Variants in WWOX observed in about 807,000 individuals in gnomAD.
WWOX encodes WW domain-containing oxidoreductase.
Under a neutral mutation model 46.2 loss-of-function variants are expected in WWOX, and 69 were observed. The ratio of observed to expected loss-of-function variants is 1.49; its 90% CI spans 1.23 to 1.82. The LOEUF (loss-of-function observed/expected upper bound fraction) is 1.82, where lower values mean the gene tolerates loss of function less well. Among genes scored for constraint, WWOX ranks in the 40% most tolerant of loss-of-function variants. WWOX has a pLI of 0.00. For synonymous variants in WWOX, 359 were observed against 202.6 expected, an observed-to-expected ratio of 1.77 and a Z score of -6.56; for missense variants, 919 against 542.6, an observed-to-expected ratio of 1.69 and a Z score of -6.89.
At chr16:79,108,823 T>G (rs1440714498) in intron 8 of WWOX, among the ~76,000 whole-genome samples, 1 of 151,832 alleles carries the variant, frequency 6.6e-6, no homozygotes, top group Non-Finnish European at 1.5e-5. Context: ...ACTGCTTGAG[T>G]CCTGGAGGTC....
intron 5 of WWOX, among the ~76,000 whole-genome samples, chr16:78,305,242 G>A (rs527261731): frequency 2.0e-5 from 3 of 151,934 alleles, no homozygotes; most frequent in Admixed American, 2.0e-4. Flanking sequence ...GGGGGACTAC[G>A]TTTTTCATGG....
intron 7 of WWOX, among the ~76,000 whole-genome samples, chr16:78,432,123 T>C (rs1026622681): frequency 3.3e-5 from 3 of 91,596 alleles, no homozygotes; most frequent in African/African-American, 2.3e-4. Context: ...TCAGATTGCT[T>C]TTTTTTTTTT....
intron 5 of WWOX, among the ~76,000 whole-genome samples, chr16:78,219,570 A>G (rs1357667493): frequency 6.6e-6 from 1 of 152,158 alleles, no homozygotes; most frequent in African/African-American, 2.4e-5. Flanking sequence ...GTCTCCTATG[A>G]TTACATTTCT....
chr16:79,187,994 C>T lies in WWOX; in HGVS notation c.1057-23614C>T, dbSNP rs182203851. Among the ~76,000 whole-genome samples, 588 of 152,324 alleles carry T rather than the reference C, an allele frequency of 3.9e-3. 1 individual carries two copies. The highest frequency in any genetic ancestry group is 6.8e-3 in the Middle Eastern group (2 of 294). ...AAATGTCCACTCTCTCTCCCATGCA[C>T]GGGGAGTCAAGCTGTGCTCTTCAAA... On this transcript the variant is annotated intron_variant, in intron 8 of 8. Coordinates refer to ENST00000566780, the MANE Select transcript of WWOX (RefSeq NM_016373.4).
intron 8 of WWOX, among the ~76,000 whole-genome samples, chr16:78,802,552 T>C (rs2050918148): frequency 1.3e-5 from 2 of 152,092 alleles, no homozygotes; most frequent in South Asian, 4.1e-4. Flanking sequence ...CAAAACTTAG[T>C]CACTAGTTTT....
At chr16:78,656,578 C>G (rs1393948681) in intron 8 of WWOX, among the ~76,000 whole-genome samples, 1 of 152,202 alleles carries the variant, frequency 6.6e-6, no homozygotes, top group Non-Finnish European at 1.5e-5. Flanking sequence ...CTGGTGAGAA[C>G]TCACTCACTG....
chr16:78,437,007 A>G (rs527778016), intron 8 of WWOX, among the ~76,000 whole-genome samples: 4 of 152,316 alleles, frequency 2.6e-5, no homozygotes, highest in Admixed American at 6.5e-5. Context: ...CAATGTCCCT[A>G]TCACCAGATG....
At chr16:78,135,072 A>G (rs923484219) in intron 4 of WWOX, among the ~76,000 whole-genome samples, 1 of 152,194 alleles carries the variant, frequency 6.6e-6, no homozygotes, top group Non-Finnish European at 1.5e-5. Flanking sequence ...TGCAATACAG[A>G]CAAACCTGAC....
intron 8 of WWOX, among the ~76,000 whole-genome samples, chr16:78,960,245 A>G (rs1431620270): frequency 6.6e-6 from 1 of 152,218 alleles, no homozygotes; most frequent in South Asian, 2.1e-4. Context: ...GGGTCATAGG[A>G]CAAAGACCTC....
intron 8 of WWOX, among the ~76,000 whole-genome samples, chr16:79,013,380 C>A (rs753534036): frequency 6.6e-6 from 1 of 152,210 alleles, no homozygotes; most frequent in African/African-American, 2.4e-5. Flanking sequence ...GCCCCGATCC[C>A]TATCTTGTCT....
intron 8 of WWOX, among the ~76,000 whole-genome samples, chr16:78,798,195 T>C (rs2050793986): frequency 6.6e-6 from 1 of 152,130 alleles, no homozygotes; most frequent in Non-Finnish European, 1.5e-5. Context: ...TGCCACAACG[T>C]GAGCAAGAAA....
intron 8 of WWOX, among the ~76,000 whole-genome samples, chr16:78,880,659 C>T (rs2044323681): frequency 6.6e-6 from 1 of 152,204 alleles, no homozygotes; most frequent in Admixed American, 6.5e-5. Flanking sequence ...TGAGGGAATT[C>T]ACTTGCCGAA....
At chr16:78,855,987 C>G (rs2052557075) in intron 8 of WWOX, among the ~76,000 whole-genome samples, 1 of 152,062 alleles carries the variant, frequency 6.6e-6, no homozygotes, top group South Asian at 2.1e-4. Context: ...CACAAGGTAC[C>G]CAAGAAGGAG....
intron 8 of WWOX, among the ~76,000 whole-genome samples, chr16:78,873,793 T>C (rs946626476): frequency 1.3e-5 from 2 of 152,062 alleles, no homozygotes; most frequent in Non-Finnish European, 2.9e-5. Flanking sequence ...CCTCAAAAAG[T>C]AAATAAAATA....
At chr16:78,147,251 A>G (rs2034229952) in intron 4 of WWOX, among the ~76,000 whole-genome samples, 1 of 152,088 alleles carries the variant, frequency 6.6e-6, no homozygotes, top group African/African-American at 2.4e-5. Context: ...TTTGCTTTAA[A>G]GTTTTTTACA....
At chr16:78,447,254 A>C (rs1256502166) in intron 8 of WWOX, among the ~76,000 whole-genome samples, 1 of 152,184 alleles carries the variant, frequency 6.6e-6, no homozygotes, top group Non-Finnish European at 1.5e-5. Context: ...AACTCTGTAC[A>C]TTTACTCCTG....
chr16:78,106,678 A>G (rs2032169274), intron 1 of WWOX, among the ~76,000 whole-genome samples: 1 of 152,072 alleles, frequency 6.6e-6, no homozygotes, highest in Admixed American at 6.5e-5. Context: ...GCCCTCCTGA[A>G]GTACTGGGAT....
intron 8 of WWOX, among the ~76,000 whole-genome samples, chr16:78,820,604 C>T (rs193254590): frequency 6.6e-6 from 1 of 152,206 alleles, no homozygotes; most frequent in Admixed American, 6.5e-5. Context: ...TAATGACAAC[C>T]TTGGTGAAAG....
chr16:78,796,756 C>G (rs371700706), intron 8 of WWOX, among the ~76,000 whole-genome samples: 1 of 152,154 alleles, frequency 6.6e-6, no homozygotes, highest in South Asian at 2.1e-4. Flanking sequence ...AACGGCCATC[C>G]AGCCACTCAT....
Sources: gnomAD v4.1 joint callset for allele counts (sites outside exome capture counted in the v4.1 genomes callset) on GRCh38, gnomAD v4.1.1 for gene constraint, MANE v1.5 for transcripts, NCBI Gene and HGNC (gene_info 2026-07-23, HGNC 2026-07-21) for gene names.